Variants in IRS2 observed in about 807,000 individuals in gnomAD.
The protein encoded by IRS2 is insulin receptor substrate 2.
In IRS2, 28 loss-of-function variants were observed where a neutral mutation model predicts 70.9. The ratio of observed to expected loss-of-function variants is 0.39; its 90% confidence interval spans 0.29 to 0.54. IRS2 has a LOEUF of 0.54. Among genes scored for constraint, IRS2 ranks in the 20% least tolerant of loss-of-function variants. IRS2 has a pLI of 0.59. For synonymous variants in IRS2, 1,217 were observed against 981.9 expected (o/e 1.24, Z -4.48); for missense variants, 2,081 against 2,024.1 (o/e 1.03, Z -0.54).
At chr13:109,781,294 C>G (rs1042558907) in intron 1 of IRS2, among the ~76,000 whole-genome samples, 1 of 152,130 alleles carries the variant, frequency 6.6e-6, no homozygotes, top group African/African-American at 2.4e-5. Flanking sequence ...TGGGCCGCGC[C>G]CCAAAGCTAC....
chr13:109,760,962 T>C (rs909776401), intron 1 of IRS2, among the ~76,000 whole-genome samples: 10 of 152,188 alleles, frequency 6.6e-5, no homozygotes, highest in Non-Finnish European at 1.5e-4. Flanking sequence ...ATAAGGTCAA[T>C]TTGCTCCAGC....
Position 109,784,167 on chromosome 13 carries a change from T to C in IRS2, c.1887A>G (p.Pro629=), listed in dbSNP as rs200921529. 2.5e-6 allele frequency: 4 copies of C among 1,581,488 alleles called. No homozygotes were observed. In the African/African-American group the frequency reaches 4.0e-5, roughly 16 times the overall value. The change falls in exon 1 of 2, where the codon CCA becomes CCG. Residue 629 remains proline (P), a synonymous_variant. Coordinates refer to ENST00000375856, the MANE Select transcript of IRS2 (RefSeq NM_003749.3). The surrounding 1 kb of genome is among the most constrained non-coding windows in gnomAD (Gnocchi z 5.2). ...CGATCTCGATGTCTCCGTAGTCCTCTGGGTAGGGGTGGTAGGCCACCTTGG... is the reference window on the plus strand; with the variant it reads ...CGATCTCGATGTCTCCGTAGTCCTCCGGGTAGGGGTGGTAGGCCACCTTGG... ...SSPKVAYHPY[P]EDYGDIEIGS...
intron 1 of IRS2, among the ~76,000 whole-genome samples, chr13:109,773,356 A>G (rs1156996369): frequency 1.3e-5 from 2 of 152,336 alleles, no homozygotes; most frequent in South Asian, 2.1e-4. Context: ...TTAATGACTC[A>G]TTTCTTAGAA....
chr13:109,752,816 G>A lies in IRS2; in HGVS notation c.*3488C>T, dbSNP rs1037831148. ...CAAGCAAGGAGGTAAAACTCTCCTG[G>A]ATAAAAATTCACAGCATCAATTTTC... On this transcript the variant is annotated 3_prime_UTR_variant, in exon 2 of 2. Transcript: ENST00000375856. 2 of 152,194 alleles carry A rather than the reference G, an allele frequency of 1.3e-5. No homozygotes were observed. Among genetic ancestry groups the A allele is most frequent in the Admixed American group, 1.3e-4 (2 of 15,272 alleles). 9.4% of individuals were successfully genotyped at this position (152,194 alleles called of 1,614,324 possible). A position where few individuals can be genotyped will look rare whatever the true frequency, so the allele number is the denominator to read the frequency against.
intron 1 of IRS2, among the ~76,000 whole-genome samples, chr13:109,762,440 T>C (rs1877246924): frequency 1.3e-5 from 2 of 152,180 alleles, no homozygotes; most frequent in South Asian, 2.1e-4. Flanking sequence ...GGTCCTCAAC[T>C]TCTCCCAGAA....
intron 1 of IRS2, among the ~76,000 whole-genome samples, chr13:109,774,918 T>C (rs1268894311): frequency 6.6e-6 from 1 of 152,184 alleles, no homozygotes; most frequent in Admixed American, 6.5e-5. Flanking sequence ...TGGTACATCG[T>C]CATTGCATTC....
At position 109,784,260 on chromosome 13, in the gene IRS2, G is replaced by A. The variant is rs2138935301; in HGVS notation, c.1794C>T (p.Tyr598=). Reference sequence around the variant, plus strand: ...CCGAGAAGGTGGCCCGCATCAGGGTGTATTCATCCAGCGAGGCAGAGGAGG... The same window carrying A: ...CCGAGAAGGTGGCCCGCATCAGGGTATATTCATCCAGCGAGGCAGAGGAGG... ...PQPSSASLDE[Y]TLMRATFSGS... The change falls in exon 1 of 2, where the codon TAC becomes TAT. Residue 598 remains tyrosine (Y), a synonymous_variant. Coordinates refer to ENST00000375856, the MANE Select transcript of IRS2 (RefSeq NM_003749.3). This position sits in a 1 kb window ranked among gnomAD's most constrained non-coding sequence, Gnocchi z 5.2. 6.3e-7 allele frequency: 1 copy of A among 1,589,602 alleles called. No individual in the cohort carries two copies. Among genetic ancestry groups the A allele is most frequent in the Non-Finnish European group, 8.6e-7 (1 of 1,167,228 alleles).
rs1210753018 is a variant in IRS2, at chr13:109,773,289, A to T, written c.4012+8753T>A. On this transcript the variant is annotated intron_variant, in intron 1 of 1. Transcript: ENST00000375856. ...CCTAGCAACAACTGATTAGTTAGTTATTGGTCCTTAGGCAAATTCTAAATT... is the reference window on the plus strand; with the variant it reads ...CCTAGCAACAACTGATTAGTTAGTTTTTGGTCCTTAGGCAAATTCTAAATT... 2.0e-5 allele frequency among the ~76,000 whole-genome samples: 3 copies of T among 152,250 alleles called. No homozygotes were observed. The East Asian group carries it at 5.8e-4, about 29-fold the overall frequency.
chr13:109,763,956 C>A (rs934288801), intron 1 of IRS2, among the ~76,000 whole-genome samples: 3 of 152,184 alleles, frequency 2.0e-5, no homozygotes, highest in African/African-American at 7.2e-5. Context: ...CCTCCTCGGT[C>A]TATAACATCT....
rs2138930137 is a variant in IRS2, at chr13:109,782,593, G to A, written c.3461C>T (p.Ser1154Phe). 1.3e-6 allele frequency: 2 copies of A among 1,578,394 alleles called. No homozygotes were observed. Among genetic ancestry groups the A allele is most frequent in the Non-Finnish European group, 1.7e-6 (2 of 1,163,156 alleles). ...RRRHSSETFS[S>F]TTTVTPVSPS... ...GGACACGGGGGTGACCGTCGTGGTG[G>A]AGGAGAAGGTCTCGGAACTGTGGCG... The change falls in exon 1 of 2, where the codon TCC (serine) becomes TTC (phenylalanine). Residue 1154 changes from serine (S) to phenylalanine (F), a missense_variant. Transcript: ENST00000375856.
At chr13:109,773,286 G>T (rs1037398196) in intron 1 of IRS2, among the ~76,000 whole-genome samples, 1 of 152,162 alleles carries the variant, frequency 6.6e-6, no homozygotes, top group Non-Finnish European at 1.5e-5. Context: ...TGATTAGTTA[G>T]TTATTGGTCC....
intron 1 of IRS2, among the ~76,000 whole-genome samples, chr13:109,781,760 G>A (rs144654352): frequency 1.3e-5 from 2 of 152,156 alleles, no homozygotes; most frequent in East Asian, 3.9e-4. Flanking sequence ...AAGGGACAGG[G>A]GGCTGTGGGA....
In IRS2 at chr13:109,785,559, G is replaced by A. The variant is rs1038742020; in HGVS notation, c.495C>T (p.Ala165=). 2.1e-6 allele frequency: 3 copies of A among 1,429,996 alleles called. No individual in the cohort carries two copies. The highest frequency in any genetic ancestry group is 2.8e-6 in the Non-Finnish European group (3 of 1,085,974). The allele number at this position is 1,429,996 out of a possible 1,614,324, so 88.6% of individuals were successfully genotyped here. ...PAAAPAASCS[A]SLPGALGGSA... is the part of the protein sequence containing the mutation. ...AGCCGCCCAGGGCGCCGGGCAGGGAGGCGCTGCAGGACGCGGCGGGCGCGG... is the reference window on the plus strand; with the variant it reads ...AGCCGCCCAGGGCGCCGGGCAGGGAAGCGCTGCAGGACGCGGCGGGCGCGG... Residue 165 remains alanine, a synonymous_variant, in exon 1 of 2, where the codon GCC becomes GCT. Coordinates refer to ENST00000375856, the MANE Select transcript of IRS2 (RefSeq NM_003749.3). This position sits in a 1 kb window ranked among gnomAD's most constrained non-coding sequence, Gnocchi z 9.3.
In IRS2 at chr13:109,785,952, G is replaced by A. The variant is rs2138939684; in HGVS notation, c.102C>T (p.Cys34=). 1 of 1,497,664 alleles carries A rather than the reference G, an allele frequency of 6.7e-7. No individual in the cohort carries two copies. Among genetic ancestry groups the A allele is most frequent in the East Asian group, 2.7e-5 (1 of 37,480 alleles). 92.8% of individuals were successfully genotyped at this position (1,497,664 alleles called of 1,614,324 possible). A position where few individuals can be genotyped will look rare whatever the true frequency, so the allele number is the denominator to read the frequency against. The change falls in exon 1 of 2, where the codon TGC becomes TGT. Residue 34 remains cysteine, a synonymous_variant. Transcript: ENST00000375856. The surrounding 1 kb of genome is among the most constrained non-coding windows in gnomAD (Gnocchi z 9.3). ...NNNNNHSVRK[C]GYLRKQKHGH... is the part of the protein sequence containing the mutation. ...CATGCTTCTGCTTGCGCAGGTAGCCGCACTTGCGCACGCTGTGGTTGTTGT... is the reference window on the plus strand; with the variant it reads ...CATGCTTCTGCTTGCGCAGGTAGCCACACTTGCGCACGCTGTGGTTGTTGT...
In IRS2 at chr13:109,783,238, A is replaced by G; in HGVS notation, c.2816T>C (p.Leu939Pro). 1 of 1,464,016 alleles carries G rather than the reference A, an allele frequency of 6.8e-7. No individual in the cohort carries two copies. The highest frequency in any genetic ancestry group is 9.0e-7 in the Non-Finnish European group (1 of 1,111,398). The allele number at this position is 1,464,016 out of a possible 1,614,324, so 90.7% of individuals were successfully genotyped here. Residue 939 changes from leucine (L) to proline (P), a missense_variant, in exon 1 of 2, where the codon CTG becomes CCG. Around this residue, in one of 4 missense-constraint regions of IRS2, gnomAD observed 1,615 missense variants for 1,459.5 expected, o/e 1.11. Coordinates refer to ENST00000375856, the MANE Select transcript of IRS2 (RefSeq NM_003749.3). ...CGAGGAGGACGAGGCCGCCGACGCC[A>G]GCAGGGGAGGCGCGGGCGGCGACAG... is the stretch of plus-strand genomic sequence containing the variant. Reference protein sequence around the residue: ...ARLSPPAPPLLASAASSSSLL... With the variant: ...ARLSPPAPPLPASAASSSSLL...
In IRS2 at chr13:109,782,371, A is replaced by G. The variant is rs762889782; in HGVS notation, c.3683T>C (p.Leu1228Ser). Residue 1228 changes from leucine (L) to serine (S), a missense_variant, in exon 1 of 2, where the codon TTG becomes TCG. Leu to Ser is a moderately radical substitution (Grantham distance 145). This residue lies in a region of IRS2 where 1,615 missense variants were observed against 1,459.5 expected (regional missense o/e 1.11). Coordinates refer to ENST00000375856, the MANE Select transcript of IRS2 (RefSeq NM_003749.3). ...TCCACCGCTCCCAGGACAACCGACC[A>G]AGCCCCCGGGCTGACCCGGGGTCCA... ...RPWTPGQPGGLVGCPGSGGSP... is the reference protein window; with the variant it reads ...RPWTPGQPGGSVGCPGSGGSP... The G allele has an allele frequency of 1.2e-6, 2 of 1,611,312 alleles. No homozygotes were observed. Among genetic ancestry groups the G allele is most frequent in the South Asian group, 1.1e-5 (1 of 91,052 alleles).
rs1201419105 is a variant in IRS2 at position 109,784,013 on chromosome 13, C to T, written c.2041G>A (p.Ala681Thr). Residue 681 changes from alanine to threonine, a missense_variant, in exon 1 of 2, where the codon GCC becomes ACC. Transcript: ENST00000375856. The surrounding 1 kb of genome is among the most constrained non-coding windows in gnomAD (Gnocchi z 5.2). ...RSDDYMPMSP[A>T]SVSAPKQILQ... The stretch of plus-strand genomic sequence containing the variant: ...ATCTGCTTGGGGGCGGACACGCTGG[C>T]GGGGCTCATGGGCATGTAGTCGTCG... 1 of 1,535,974 alleles carries T rather than the reference C, an allele frequency of 6.5e-7. No individual in the cohort carries two copies. The highest frequency in any genetic ancestry group is 2.4e-5 in the East Asian group (1 of 40,860).
In IRS2 at chr13:109,782,319, G is replaced by A. The variant is rs538286631; in HGVS notation, c.3735C>T (p.Ala1245=). 2.4e-5 allele frequency: 38 copies of A among 1,611,682 alleles called. No individual in the cohort carries two copies. Among genetic ancestry groups the A allele is most frequent in the East Asian group, 2.0e-4 (9 of 44,784 alleles). ...TGTAGTTGAGACCATTCTGGAAGCC[G>A]GCAGAGGTCTCTCTGCGCATGGGCG... ...GGSPMRRETS[A]GFQNGLNYIA... Residue 1245 remains alanine, a synonymous_variant, in exon 1 of 2, where the codon GCC becomes GCT. Transcript: ENST00000375856.
At chr13:109,758,957 G>A (rs1048541924) in intron 1 of IRS2, among the ~76,000 whole-genome samples, 19 of 151,786 alleles carry the variant, frequency 1.3e-4, no homozygotes, top group African/African-American at 4.6e-4. Flanking sequence ...GAAGGAGAAG[G>A]GAGGAAGGAA....
Sources: gnomAD v4.1 joint callset for allele counts (sites outside exome capture counted in the v4.1 genomes callset) on GRCh38, gnomAD v4.1.1 for gene constraint, gnomAD v4.1.1 regional missense constraint, Gnocchi (gnomAD v3.1) non-coding constraint, MANE v1.5 for transcripts, NCBI Gene and HGNC (gene_info 2026-07-23, HGNC 2026-07-21) for gene names.